PDSS2: variants seen among roughly 807,000 people sequenced by gnomAD.
The protein encoded by PDSS2 is all trans-polyprenyl-diphosphate synthase PDSS2.
Under a neutral mutation model 44.5 loss-of-function variants are expected in PDSS2, and 31 were observed. The ratio of observed to expected loss-of-function variants is 0.70; its 90% CI spans 0.52 to 0.94. The LOEUF is 0.94. PDSS2 is among the 40% of genes least tolerant of loss of function. The pLI, the probability that PDSS2 is intolerant of heterozygous loss-of-function variation, is 0.00. For missense variants in PDSS2, 452 were observed against 482.2 expected (o/e 0.94, Z 0.59); for synonymous variants, 157 against 180.3 (o/e 0.87, Z 1.03).
At chr6:107,247,750 C>T (rs1378466669) in intron 3 of PDSS2, among the ~76,000 whole-genome samples, 1 of 149,396 alleles carries the variant, frequency 6.7e-6, no homozygotes, top group East Asian at 2.0e-4. Flanking sequence ...GCCTGTAATA[C>T]CAGCAGTTTG....
Position 107,282,693 on chromosome 6 carries a change from G to A in PDSS2, c.432-8466C>T, listed in dbSNP as rs531047803. Among the ~76,000 whole-genome samples, 183 of 151,298 alleles carry A rather than the reference G, an allele frequency of 1.2e-3. 1 individual carries two copies. The highest frequency in any genetic ancestry group is 4.4e-3 in the African/African-American group (180 of 41,298). ...ATCCTGGCTAACAGGGTGAAACCCC[G>A]ACTCTACTAAAAAAAAATACAAAAC... is the stretch of plus-strand genomic sequence containing the variant. On this transcript the variant is annotated intron_variant, in intron 2 of 7. Coordinates refer to ENST00000369037, the MANE Select transcript of PDSS2 (RefSeq NM_020381.4).
intron 1 of PDSS2, among the ~76,000 whole-genome samples, chr6:107,382,739 C>T (rs376061181): frequency 1.8e-4 from 27 of 151,902 alleles, no homozygotes; most frequent in African/African-American, 5.8e-4. Context: ...TGGGAGGCTG[C>T]GGTGAGAGGA....
intron 2 of PDSS2, among the ~76,000 whole-genome samples, chr6:107,282,098 G>A (rs563258836): frequency 1.3e-4 from 20 of 152,130 alleles, no homozygotes; most frequent in African/African-American, 4.8e-4. Flanking sequence ...TAGAGATGGG[G>A]TTTCGCCATG....
chr6:107,285,456 G>A (rs181923261), intron 2 of PDSS2, among the ~76,000 whole-genome samples: 2 of 151,712 alleles, frequency 1.3e-5, no homozygotes, highest in East Asian at 3.9e-4. Context: ...ACAAGCCTGG[G>A]GAACATAATA....
At chr6:107,246,331 G>A (rs1774613113) in intron 3 of PDSS2, among the ~76,000 whole-genome samples, 1 of 152,018 alleles carries the variant, frequency 6.6e-6, no homozygotes, top group East Asian at 1.9e-4. Context: ...ATTTAGAGTA[G>A]TTTGCATAAA....
chr6:107,241,456 T>C (rs202002779), intron 4 of PDSS2, among the ~76,000 whole-genome samples: 3 of 149,894 alleles, frequency 2.0e-5, no homozygotes, highest in Non-Finnish European at 3.0e-5. Context: ...ACACCATTCT[T>C]CTGCCTCAGC....
At chr6:107,186,610 C>A (rs1029734913) in intron 7 of PDSS2, among the ~76,000 whole-genome samples, 4 of 152,144 alleles carry the variant, frequency 2.6e-5, no homozygotes, top group South Asian at 4.2e-4. Context: ...TCCTTTCGCG[C>A]CCCCCTACCC....
rs113166074 is a variant in PDSS2 at position 107,309,130 on chromosome 6, C to T, written c.431+25068G>A. On this transcript the variant is annotated intron_variant, in intron 2 of 7. Transcript: ENST00000369037. ...GAAAGTTTTACTTAAATTAGGCTAC[C>T]AAAGAAATATGAGTTAACAGTTGGT... 1.9e-3 allele frequency among the ~76,000 whole-genome samples: 286 copies of T among 152,160 alleles called. 5 individuals are homozygous for T. Among genetic ancestry groups the T allele is most frequent in the African/African-American group, 6.7e-3 (279 of 41,514 alleles).
chr6:107,188,311 G>A (rs555941550), intron 7 of PDSS2, among the ~76,000 whole-genome samples: 26 of 152,036 alleles, frequency 1.7e-4, no homozygotes, highest in African/African-American at 4.6e-4. Context: ...CCCAGGAAGC[G>A]GAAGTTTCAG....
intron 6 of PDSS2, among the ~76,000 whole-genome samples, chr6:107,202,388 AAAAC>A (rs1161908566): frequency 2.6e-5 from 4 of 152,062 alleles, no homozygotes; most frequent in Non-Finnish European, 5.9e-5. Flanking sequence ...CTGCAAAAAA[AAAAC>A]AAACAAAACA....
At chr6:107,376,412 T>G (rs1442398573) in intron 1 of PDSS2, among the ~76,000 whole-genome samples, 1 of 152,118 alleles carries the variant, frequency 6.6e-6, no homozygotes, top group African/African-American at 2.4e-5. Context: ...TGTTCTTCCA[T>G]TTGTTTGTAT....
At chr6:107,282,740 G>GT (rs1360487002) in intron 2 of PDSS2, among the ~76,000 whole-genome samples, 1 of 151,478 alleles carries the variant, frequency 6.6e-6, no homozygotes, top group African/African-American at 2.4e-5. Context: ...AGGGTGGCAG[G>GT]TGCCTGTAGT....
chr6:107,241,386 C>CG (rs1774423662), intron 4 of PDSS2, among the ~76,000 whole-genome samples: 1 of 138,512 alleles, frequency 7.2e-6, no homozygotes, highest in Non-Finnish European at 1.6e-5. Context: ...CTCGCTCTGT[C>CG]CCCAGGCTGG....
rs73513142 is a variant in PDSS2 at position 107,358,308 on chromosome 6, C to T, written c.297-23976G>A. 6.1e-3 allele frequency among the ~76,000 whole-genome samples: 927 copies of T among 152,146 alleles called. 6 individuals are homozygous for T. Among genetic ancestry groups the T allele is most frequent in the African/African-American group, 0.022 (905 of 41,492 alleles). On this transcript the variant is annotated intron_variant, in intron 1 of 7. Transcript: ENST00000369037. Reference sequence around the variant, plus strand: ...AAAAATCCAAAATCCAAAACATGTCCGGTGCCAAGCATTTTGGATAAGGGA... The same window carrying T: ...AAAAATCCAAAATCCAAAACATGTCTGGTGCCAAGCATTTTGGATAAGGGA...
chr6:107,214,312 C>T (rs553359024), intron 4 of PDSS2, among the ~76,000 whole-genome samples: 3 of 151,924 alleles, frequency 2.0e-5, no homozygotes, highest in African/African-American at 4.8e-5. Flanking sequence ...ACCGTGGTCT[C>T]GATCTCCTGA....
At chr6:107,217,866 C>T (rs1562383489) in intron 4 of PDSS2, among the ~76,000 whole-genome samples, 1 of 152,196 alleles carries the variant, frequency 6.6e-6, no homozygotes, top group East Asian at 1.9e-4. Context: ...TGTAACATTG[C>T]TCCAAAACTG....
intron 1 of PDSS2, among the ~76,000 whole-genome samples, chr6:107,372,157 G>C (rs572231122): frequency 2.6e-5 from 4 of 152,124 alleles, no homozygotes; most frequent in Non-Finnish European, 5.9e-5. Context: ...GCAGTCAAGG[G>C]GGGTAGTCAC....
chr6:107,433,098 T>C (rs1459339971), intron 1 of PDSS2, among the ~76,000 whole-genome samples: 2 of 152,144 alleles, frequency 1.3e-5, no homozygotes, highest in Non-Finnish European at 2.9e-5. Flanking sequence ...ACTCATCTTA[T>C]GAAATAGTAA....
At chr6:107,180,982 T>C (rs1195228337) in intron 7 of PDSS2, among the ~76,000 whole-genome samples, 1 of 152,046 alleles carries the variant, frequency 6.6e-6, no homozygotes. Context: ...GTAGCTGGGA[T>C]TACAGGCATG....
Sources: allele counts gnomAD v4.1 joint callset (sites outside exome capture counted in the v4.1 genomes callset), GRCh38; gene constraint gnomAD v4.1.1; transcripts MANE v1.5; gene names NCBI Gene and HGNC (gene_info 2026-07-23, HGNC 2026-07-21).